The following GTF2B variants were observed in gnomAD, a reference collection of about 807,000 sequenced individuals.
GTF2B encodes general transcription factor IIB, also known as transcription initiation factor IIB.
GTF2B carries 20 observed loss-of-function variants against 34.6 expected under a neutral mutation model. That is an observed-to-expected ratio of 0.58 (90% CI 0.41 to 0.84). The LOEUF (loss-of-function observed/expected upper bound fraction) is 0.84, where lower values mean the gene tolerates loss of function less well. Among genes scored for constraint, GTF2B ranks in the 40% least tolerant of loss-of-function variants. The probability of loss-of-function intolerance (pLI) is 0.00; values close to 1 mark genes in which losing one functional copy is unlikely to be tolerated. For synonymous variants in GTF2B, 142 were observed against 132.4 expected (o/e 1.07, Z -0.50); for missense variants, 237 against 393.3 (o/e 0.60, Z 3.36).
chr1:88,857,456 T>C lies in GTF2B; in HGVS notation c.567A>G (p.Lys189=), dbSNP rs1375161496. Residue 189 remains lysine (K), a synonymous_variant, in exon 6 of 7, where the codon AAA becomes AAG. Transcript: ENST00000370500. ...EICAVSRISK[K]EIGRCFKLIL... ...TAAGTTTAAAACACCGACCAATTTC[T>C]TTCTTAGAAATTCGTGATACGGCAC... is the stretch of plus-strand genomic sequence containing the variant. 2.5e-6 allele frequency: 4 copies of C among 1,601,760 alleles called. No individual in the cohort carries two copies. Among genetic ancestry groups the C allele is most frequent in the Non-Finnish European group, 1.7e-6 (2 of 1,169,622 alleles).
In GTF2B at chr1:88,860,252, T is replaced by C. The variant is rs374036755; in HGVS notation, c.293A>G (p.Asn98Ser). 2.9e-5 allele frequency: 47 copies of C among 1,613,972 alleles called. No homozygotes were observed. The highest frequency in any genetic ancestry group is 8.3e-5 in the Admixed American group (5 of 60,000). The stretch of plus-strand genomic sequence containing the variant: ...TGTTCTCCGATTCTGGTACTTAGAA[T>C]TGCCAAATTCGTCAAAACTTGCAGC... ...TGAASFDEFGNSKYQNRRTMS... is the reference protein window; with the variant it reads ...TGAASFDEFGSSKYQNRRTMS... The change falls in exon 4 of 7, where the codon AAT becomes AGT. Residue 98 changes from asparagine to serine, a missense_variant. This residue lies in a region of GTF2B where 130 missense variants were observed against 170.9 expected (regional missense o/e 0.76). Transcript: ENST00000370500.
intron 3 of GTF2B, among the ~76,000 whole-genome samples, chr1:88,863,217 G>A (rs1673483282): frequency 6.6e-6 from 1 of 152,052 alleles, no homozygotes; most frequent in Non-Finnish European, 1.5e-5. Flanking sequence ...AACTCTATAA[G>A]TACTCTTATT....
chr1:88,853,880 A>G (rs921814807), intron 6 of GTF2B, among the ~76,000 whole-genome samples: 4 of 152,224 alleles, frequency 2.6e-5, no homozygotes, highest in Non-Finnish European at 5.9e-5. Context: ...CTGTCTCAAA[A>G]AAAAAGTGGG....
chr1:88,859,804 C>G (rs1673395202), intron 5 of GTF2B, 78 bp downstream of exon 5: 2 of 1,353,012 alleles, frequency 1.5e-6, no homozygotes, highest in African/African-American at 1.4e-5. Context: ...CCACTGCACT[C>G]TGGCCTGGGC....
In GTF2B at chr1:88,857,405, C is replaced by T. The variant is rs748024860; in HGVS notation, c.618G>A (p.Val206=). 6.2e-7 allele frequency: 1 copy of T among 1,609,366 alleles called. No homozygotes were observed. Among genetic ancestry groups the T allele is most frequent in the South Asian group, 1.1e-5 (1 of 90,998 alleles). Residue 206 remains valine (V), a synonymous_variant, in exon 6 of 7, where the codon GTG becomes GTA. Coordinates refer to ENST00000370500, the MANE Select transcript of GTF2B (RefSeq NM_001514.6). ...TGAAGTCCCCAGTTGTAATCAAATC[C>T]ACACTGGTTTCTAGCGCTTTCAAAA... ...KLILKALETS[V]DLITTGDFMS...
chr1:88,864,905 CT>C (rs1673514553), intron 2 of GTF2B, among the ~76,000 whole-genome samples: 1 of 152,224 alleles, frequency 6.6e-6, no homozygotes, highest in African/African-American at 2.4e-5. Flanking sequence ...TTTATTGCCA[CT>C]TTACAAATAA....
At chr1:88,883,096 T>C (rs778678965) in intron 2 of GTF2B, among the ~76,000 whole-genome samples, 18 of 152,236 alleles carry the variant, frequency 1.2e-4, no homozygotes, top group Non-Finnish European at 2.2e-4. Context: ...TTGACATTAC[T>C]TATGATTCAA....
chr1:88,876,348 T>TTA (rs1374444744), intron 2 of GTF2B, among the ~76,000 whole-genome samples: 3 of 152,042 alleles, frequency 2.0e-5, no homozygotes, highest in African/African-American at 7.2e-5. Context: ...CATCTCACAC[T>TTA]TAGAATCACC....
At position 88,873,196 on chromosome 1, in the gene GTF2B, T is replaced by TTTTTTTTTTTTG. The variant is rs1283406014; in HGVS notation, c.125-9094_125-9083dup. 1.1e-4 allele frequency among the ~76,000 whole-genome samples: 16 copies of TTTTTTTTTTTTG among 145,428 alleles called. 2 individuals carry two copies. Among genetic ancestry groups the TTTTTTTTTTTTG allele is most frequent in the Admixed American group, 2.7e-4 (4 of 14,696 alleles). The stretch of plus-strand genomic sequence containing the variant: ...GATTCCATTAAGTTTTTTTTTTTTT[T>TTTTTTTTTTTTG]TTTTTTTTTTTGAGACAGAGTCTCG... On this transcript the variant is annotated intron_variant, in intron 2 of 6. Transcript: ENST00000370500.
chr1:88,888,860 A>T (rs911071859), intron 1 of GTF2B, among the ~76,000 whole-genome samples: 2 of 152,228 alleles, frequency 1.3e-5, no homozygotes, highest in African/African-American at 4.8e-5. Flanking sequence ...TGGAGTTAGA[A>T]ATCAGGATGT....
intron 3 of GTF2B, among the ~76,000 whole-genome samples, chr1:88,860,541 T>C (rs2100964459): frequency 6.6e-6 from 1 of 152,288 alleles, no homozygotes; most frequent in East Asian, 1.9e-4. Flanking sequence ...AACAGTCTAA[T>C]TTCACTTAGA....
intron 2 of GTF2B, among the ~76,000 whole-genome samples, chr1:88,871,561 G>A (rs756675127): frequency 3.9e-5 from 6 of 152,088 alleles, no homozygotes; most frequent in African/African-American, 9.7e-5. Context: ...TCAGTCAAGT[G>A]GTCATGCTTC....
chr1:88,876,500 T>G (rs1673818608), intron 2 of GTF2B, among the ~76,000 whole-genome samples: 2 of 152,156 alleles, frequency 1.3e-5, no homozygotes, highest in Admixed American at 1.3e-4. Flanking sequence ...AGGGAGATGC[T>G]GTCTCTACAA....
intron 2 of GTF2B, among the ~76,000 whole-genome samples, chr1:88,883,670 A>G (rs1017016250): frequency 2.0e-5 from 3 of 152,136 alleles, no homozygotes; most frequent in Admixed American, 6.5e-5. Flanking sequence ...TCAAAAAAAA[A>G]GTCACAGAAC....
intron 2 of GTF2B, among the ~76,000 whole-genome samples, chr1:88,873,830 G>A (rs918931680): frequency 2.6e-5 from 4 of 152,114 alleles, no homozygotes; most frequent in African/African-American, 9.7e-5. Flanking sequence ...CCACTGGTCA[G>A]AACTTAACCA....
intron 6 of GTF2B, among the ~76,000 whole-genome samples, chr1:88,856,415 A>C (rs1181206643): frequency 3.4e-5 from 5 of 148,022 alleles, no homozygotes; most frequent in Admixed American, 2.1e-4. Context: ...AATTTGTATT[A>C]AGAAACTGTA....
At chr1:88,866,339 G>T (rs1180987980) in intron 2 of GTF2B, among the ~76,000 whole-genome samples, 1 of 152,202 alleles carries the variant, frequency 6.6e-6, no homozygotes, top group African/African-American at 2.4e-5. Flanking sequence ...AGGTGAGGGA[G>T]ACCCTGTCTA....
At chr1:88,866,149 C>T (rs1261936182) in intron 2 of GTF2B, among the ~76,000 whole-genome samples, 1 of 151,998 alleles carries the variant, frequency 6.6e-6, no homozygotes, top group African/African-American at 2.4e-5. Context: ...ATCACATGAG[C>T]CCAGGAGTTC....
chr1:88,868,634 CAA>C (rs541784804), intron 2 of GTF2B, among the ~76,000 whole-genome samples: 261 of 152,246 alleles, frequency 1.7e-3, no homozygotes, highest in African/African-American at 5.5e-3. Context: ...GAGTAATTGT[CAA>C]AAGTCACTTG....
Sources: gnomAD v4.1 joint callset for allele counts (sites outside exome capture counted in the v4.1 genomes callset) on GRCh38, gnomAD v4.1.1 for gene constraint, gnomAD v4.1.1 regional missense constraint, MANE v1.5 for transcripts, NCBI Gene and HGNC (gene_info 2026-07-23, HGNC 2026-07-21) for gene names.